L2HGDH: variants seen among roughly 807,000 people sequenced by gnomAD.
L2HGDH encodes the protein L-2-hydroxyglutarate dehydrogenase.
L2HGDH carries 34 observed loss-of-function variants against 51.5 expected under a neutral mutation model. That is an observed-to-expected ratio of 0.66 (90% confidence interval 0.50 to 0.88). The LOEUF (loss-of-function observed/expected upper bound fraction) is 0.88, where lower values mean the gene tolerates loss of function less well. L2HGDH is among the 40% of genes least tolerant of loss of function. The pLI, the probability that L2HGDH is intolerant of heterozygous loss-of-function variation, is 0.00. For synonymous variants in L2HGDH, 198 were observed against 197.9 expected (o/e 1.00, Z -0.01); for missense variants, 558 against 571.9 (o/e 0.98, Z 0.25).
At chr14:50,282,144 G>A (rs1270038248) in intron 5 of L2HGDH, among the ~76,000 whole-genome samples, 1 of 152,048 alleles carries the variant, frequency 6.6e-6, no homozygotes, top group Admixed American at 6.6e-5. Flanking sequence ...CTAGCCTAGA[G>A]ACATTTTTAA....
In L2HGDH at chr14:50,242,765, C is replaced by A. The variant is rs967365171; in HGVS notation, c.*4293G>T. 1 of 985,242 alleles carries A rather than the reference C, an allele frequency of 1.0e-6. No individual in the cohort carries two copies. The highest frequency in any genetic ancestry group is 1.2e-6 in the Non-Finnish European group (1 of 829,912). 61.0% of individuals were successfully genotyped at this position (985,242 alleles called of 1,614,324 possible). A position where few individuals can be genotyped will look rare whatever the true frequency, so the allele number is the denominator to read the frequency against. On this transcript the variant is annotated 3_prime_UTR_variant, in exon 10 of 10. Transcript: ENST00000267436. ...TAGAAAAGCTTAGAAACTGACTTTA[C>A]GATTACAACTCAAAAATGTTTACAA... is the stretch of plus-strand genomic sequence containing the variant.
At chr14:50,278,412 T>C in intron 6 of L2HGDH, 108 bp downstream of exon 6, 1 of 757,590 alleles carries the variant, frequency 1.3e-6, no homozygotes, top group Non-Finnish European at 2.2e-6. Flanking sequence ...AGAATTACAT[T>C]AGACAAATGT....
At chr14:50,265,944 A>T (rs1889309824) in intron 8 of L2HGDH, among the ~76,000 whole-genome samples, 1 of 152,008 alleles carries the variant, frequency 6.6e-6, no homozygotes, top group African/African-American at 2.4e-5. Context: ...AATCAATGAA[A>T]ATCAACTTTT....
rs530707197 is a variant in L2HGDH at position 50,269,403 on chromosome 14, T to C, written c.739-73A>G. 2.1e-4 allele frequency: 289 copies of C among 1,407,250 alleles called. 1 individual carries two copies. The African/African-American group carries it at 2.3e-3, about 11-fold the overall frequency. 87.2% of individuals were successfully genotyped at this position (1,407,250 alleles called of 1,614,324 possible). A position where few individuals can be genotyped will look rare whatever the true frequency, so the allele number is the denominator to read the frequency against. ...AGGTCAAGAGGGGAAAAACAGGTGA[T>C]AGAAAAGAAAAAAAGGTACAGAAAT... On this transcript the variant is annotated intron_variant, in intron 6 of 9. Transcript: ENST00000267436.
chr14:50,284,694 G>T (rs1890468741), intron 4 of L2HGDH, among the ~76,000 whole-genome samples: 1 of 152,096 alleles, frequency 6.6e-6, no homozygotes, highest in Admixed American at 6.6e-5. Flanking sequence ...ATTGTTAATA[G>T]CACCATTTTC....
chr14:50,252,625 G>A (rs1888430559), intron 9 of L2HGDH, among the ~76,000 whole-genome samples: 2 of 152,012 alleles, frequency 1.3e-5, no homozygotes, highest in South Asian at 4.1e-4. Flanking sequence ...AGCAGGAATA[G>A]CTAGAATAGC....
chr14:50,267,859 C>A lies in L2HGDH; in HGVS notation c.958G>T (p.Asp320Tyr), dbSNP rs1241223718. 1 of 1,614,122 alleles carries A rather than the reference C, an allele frequency of 6.2e-7. No individual in the cohort carries two copies. Among genetic ancestry groups the A allele is most frequent in the Admixed American group, 1.7e-5 (1 of 60,032 alleles). Residue 320 changes from aspartate to tyrosine, a missense_variant, in exon 8 of 10, where the codon GAT (aspartate) becomes TAT (tyrosine). Coordinates refer to ENST00000267436, the MANE Select transcript of L2HGDH (RefSeq NM_024884.3). ...TTAGGCCCTAGCCAAATACTGCCATCCATCCTTGGTGTGAAGTGAACTCCT... is the reference window on the plus strand; with the variant it reads ...TTAGGCCCTAGCCAAATACTGCCATACATCCTTGGTGTGAAGTGAACTCCT... ...FLGVHFTPRMDGSIWLGPNAV... is the reference protein window; with the variant it reads ...FLGVHFTPRMYGSIWLGPNAV...
At chr14:50,304,882 T>A (rs979367095) in intron 1 of L2HGDH, among the ~76,000 whole-genome samples, 1 of 152,116 alleles carries the variant, frequency 6.6e-6, no homozygotes, top group African/African-American at 2.4e-5. Context: ...AAATCTGCAA[T>A]TCGAAGCTTA....
At position 50,312,180 on chromosome 14, in the gene L2HGDH, TCAG is replaced by T. The variant is rs1566548106; in HGVS notation, c.-33_-31del. ...TACGCACGCTCCCCTCCCTCAGCGC[TCAG>T]AAGAAGCCACTTGACCCTCCACGGC... is the stretch of plus-strand genomic sequence containing the variant. On this transcript the variant is annotated 5_prime_UTR_variant, in exon 1 of 10. Coordinates refer to ENST00000267436, the MANE Select transcript of L2HGDH (RefSeq NM_024884.3). The T allele has an allele frequency of 6.2e-7, 1 of 1,606,880 alleles. No homozygotes were observed. The highest frequency in any genetic ancestry group is 2.2e-5 in the East Asian group (1 of 44,740).
In L2HGDH at chr14:50,245,303, A is replaced by C. The variant is rs948456915; in HGVS notation, c.*1755T>G. 1.9e-5 allele frequency: 19 copies of C among 984,716 alleles called. No homozygotes were observed. The African/African-American group carries it at 3.1e-4, about 16-fold the overall frequency. 61.0% of individuals were successfully genotyped at this position (984,716 alleles called of 1,614,324 possible). A position where few individuals can be genotyped will look rare whatever the true frequency, so the allele number is the denominator to read the frequency against. ...TAACTTTTTTAAATTGGAGTTCTATACATCAGTGTCAGGATTCTAAAACTG... is the reference window on the plus strand; with the variant it reads ...TAACTTTTTTAAATTGGAGTTCTATCCATCAGTGTCAGGATTCTAAAACTG... On this transcript the variant is annotated 3_prime_UTR_variant, in exon 10 of 10. Transcript: ENST00000267436.
Position 50,268,462 on chromosome 14 carries a change from G to GA in L2HGDH, c.907-553dup, listed in dbSNP as rs938767109. Among the ~76,000 whole-genome samples the GA allele has an allele frequency of 1.0e-4, 15 of 145,982 alleles. No homozygotes were observed. In the East Asian group the frequency reaches 1.2e-3, roughly 12 times the overall value. On this transcript the variant is annotated intron_variant, in intron 7 of 9. Transcript: ENST00000267436. ...CATCTATGCATCTTTCTGGGTAAAG[G>GA]AAAAAAAAAAGATGAACTGTCTTAC...
chr14:50,274,323 T>C (rs1334217859), intron 6 of L2HGDH, among the ~76,000 whole-genome samples: 1 of 147,500 alleles, frequency 6.8e-6, no homozygotes, highest in African/African-American at 2.5e-5. Context: ...ATATGTATTT[T>C]TATGTATTTT....
chr14:50,312,048 T>C lies in L2HGDH; in HGVS notation c.103A>G (p.Arg35Gly). Reference protein sequence around the residue: ...GACGFASGRPRPLCGGSRSAS... With the variant: ...GACGFASGRPGPLCGGSRSAS... ...CTGCGGCTACCTCCACACAGCGGTC[T>C]TGGCCTCCCAGACGCGAACCCGCAC... Residue 35 changes from arginine (R) to glycine (G), a missense_variant, in exon 1 of 10, where the codon AGA becomes GGA. Around this residue, in one of 3 missense-constraint regions of L2HGDH, gnomAD observed 194 missense variants for 187.2 expected, o/e 1.04. Coordinates refer to ENST00000267436, the MANE Select transcript of L2HGDH (RefSeq NM_024884.3). 5 of 1,588,460 alleles carry C rather than the reference T, an allele frequency of 3.1e-6. No individual in the cohort carries two copies. The highest frequency in any genetic ancestry group is 4.3e-6 in the Non-Finnish European group (5 of 1,169,362).
chr14:50,304,291 C>T (rs191142446), intron 1 of L2HGDH, among the ~76,000 whole-genome samples: 6 of 152,284 alleles, frequency 3.9e-5, no homozygotes, highest in Non-Finnish European at 7.4e-5. Context: ...TGTTGTTATG[C>T]GGTGCATGAC....
chr14:50,281,203 C>T (rs1230429536), intron 5 of L2HGDH, among the ~76,000 whole-genome samples: 1 of 152,118 alleles, frequency 6.6e-6, no homozygotes, highest in Non-Finnish European at 1.5e-5. Flanking sequence ...GTCTAGCACA[C>T]TGGAAGACTA....
intron 4 of L2HGDH, among the ~76,000 whole-genome samples, chr14:50,289,350 C>A (rs1291194263): frequency 6.6e-6 from 1 of 151,956 alleles, no homozygotes; most frequent in Non-Finnish European, 1.5e-5. Flanking sequence ...GAAATACAAA[C>A]AGGGGGAAGA....
chr14:50,312,214 A>ACCCGCGCTCTTTAGC lies in L2HGDH; in HGVS notation c.-79_-65dup. 6.3e-7 allele frequency: 1 copy of ACCCGCGCTCTTTAGC among 1,588,658 alleles called. No homozygotes were observed. On this transcript the variant is annotated 5_prime_UTR_variant, in exon 1 of 10. Transcript: ENST00000267436. ...GCCACTTGACCCTCCACGGCCGAGG[A>ACCCGCGCTCTTTAGC]CCCGCGCTCTTTAGCCCCGCCCCTC...
rs1223847158 is a variant in L2HGDH, at chr14:50,245,811, A to G, written c.*1247T>C. The G allele has an allele frequency of 2.0e-6, 2 of 985,296 alleles. No individual in the cohort carries two copies. The highest frequency in any genetic ancestry group is 2.4e-6 in the Non-Finnish European group (2 of 829,932). 61.0% of individuals were successfully genotyped at this position (985,296 alleles called of 1,614,324 possible). A position where few individuals can be genotyped will look rare whatever the true frequency, so the allele number is the denominator to read the frequency against. On this transcript the variant is annotated 3_prime_UTR_variant, in exon 10 of 10. Transcript: ENST00000267436. Reference sequence around the variant, plus strand: ...CTTCTCTAGGTCATGGTTGGTAAGGACAGGTCATTAACAAAGTCAGGGATT... The same window carrying G: ...CTTCTCTAGGTCATGGTTGGTAAGGGCAGGTCATTAACAAAGTCAGGGATT...
At position 50,245,460 on chromosome 14, in the gene L2HGDH, T is replaced by C. The variant is rs1887952890; in HGVS notation, c.*1598A>G. On this transcript the variant is annotated 3_prime_UTR_variant, in exon 10 of 10. Coordinates refer to ENST00000267436, the MANE Select transcript of L2HGDH (RefSeq NM_024884.3). The stretch of plus-strand genomic sequence containing the variant: ...CATACCACATCAGTTACAAAGAGAC[T>C]GGAAATAATAAAGGCTTTGAGTTTG... The C allele has an allele frequency of 2.0e-6, 2 of 984,226 alleles. No individual in the cohort carries two copies. The highest frequency in any genetic ancestry group is 1.2e-4 in the Admixed American group (2 of 16,258). The allele number at this position is 984,226 out of a possible 1,614,324, so 61.0% of individuals were successfully genotyped here. A position where few individuals can be genotyped will look rare whatever the true frequency, so the allele number is the denominator to read the frequency against.
Sources: allele counts gnomAD v4.1 joint callset (sites outside exome capture counted in the v4.1 genomes callset), GRCh38; gene constraint gnomAD v4.1.1; regional missense constraint gnomAD v4.1.1; transcripts MANE v1.5; gene names NCBI Gene and HGNC (gene_info 2026-07-23, HGNC 2026-07-21).